CACNG3: variants seen among roughly 807,000 people sequenced by gnomAD.
CACNG3 encodes calcium voltage-gated channel auxiliary subunit gamma 3.
CACNG3 carries 3 observed loss-of-function variants against 28.5 expected under a neutral mutation model. The ratio of observed to expected loss-of-function variants is 0.11; its 90% CI spans 0.05 to 0.27. The LOEUF is 0.27. CACNG3 is among the 10% of genes least tolerant of loss of function. The probability of loss-of-function intolerance (pLI) is 1.00; values close to 1 mark genes in which losing one functional copy is unlikely to be tolerated. For synonymous variants in CACNG3, 174 were observed against 162.2 expected (o/e 1.07, Z -0.55); for missense variants, 236 against 414.4 (o/e 0.57, Z 3.74).
chr16:24,257,085 G>T (rs1898468490), intron 1 of CACNG3, 120 bp downstream of exon 1: 1 of 688,462 alleles, frequency 1.5e-6, no homozygotes. Flanking sequence ...TGCTGAGAAT[G>T]TGCAGGTGCC....
chr16:24,322,532 C>T (rs1400058670), intron 1 of CACNG3, among the ~76,000 whole-genome samples: 1 of 152,040 alleles, frequency 6.6e-6, no homozygotes, highest in East Asian at 1.9e-4. Flanking sequence ...TTTTCTTATG[C>T]ATTAGCTCTG....
rs746132287 is a variant in CACNG3, at chr16:24,256,721, C to T, written c.-34C>T. Reference sequence around the variant, plus strand: ...CCCTCCGGCACTGACTCTCCCCCTCCAACCCCCAGCCGTCCAGAGTACCAT... The same window carrying T: ...CCCTCCGGCACTGACTCTCCCCCTCTAACCCCCAGCCGTCCAGAGTACCAT... On this transcript the variant is annotated 5_prime_UTR_variant, in exon 1 of 4. Transcript: ENST00000005284. The surrounding 1 kb of genome is among the most constrained non-coding windows in gnomAD (Gnocchi z 4.6). The T allele has an allele frequency of 6.8e-7, 1 of 1,480,640 alleles. No homozygotes were observed. Among genetic ancestry groups the T allele is most frequent in the Non-Finnish European group, 9.4e-7 (1 of 1,059,022 alleles). 91.7% of individuals were successfully genotyped at this position (1,480,640 alleles called of 1,614,324 possible). A position where few individuals can be genotyped will look rare whatever the true frequency, so the allele number is the denominator to read the frequency against.
intron 1 of CACNG3, among the ~76,000 whole-genome samples, chr16:24,265,205 G>A (rs111822669): frequency 6.6e-6 from 1 of 151,674 alleles, no homozygotes; most frequent in African/African-American, 2.4e-5. Flanking sequence ...TCATGCCACT[G>A]CACTCTAGCC....
Position 24,348,625 on chromosome 16 carries a change from T to G in CACNG3, c.295+1808T>G, listed in dbSNP as rs79497781. ...AAAAGTTGTTTTCTTTTCTCACCCC[T>G]CACATCAGCAGCTCAAAAAGATTCA... On this transcript the variant is annotated intron_variant, in intron 2 of 3. Transcript: ENST00000005284. Among the ~76,000 whole-genome samples, 12 of 152,222 alleles carry G rather than the reference T, an allele frequency of 7.9e-5. No individual in the cohort carries two copies. In the East Asian group the frequency reaches 2.3e-3, roughly 29 times the overall value.
intron 2 of CACNG3, among the ~76,000 whole-genome samples, chr16:24,352,267 C>A (rs1899958916): frequency 6.6e-6 from 1 of 152,118 alleles, no homozygotes; most frequent in South Asian, 2.1e-4. Context: ...GCAATGTGAA[C>A]TAAGCTTTGA....
chr16:24,349,758 G>A (rs1018809218), intron 2 of CACNG3, among the ~76,000 whole-genome samples: 3 of 152,150 alleles, frequency 2.0e-5, no homozygotes, highest in Non-Finnish European at 2.9e-5. Flanking sequence ...GAGTCTTTGT[G>A]ACCTGTATCT....
At chr16:24,284,719 AT>A (rs1002843816) in intron 1 of CACNG3, among the ~76,000 whole-genome samples, 1 of 152,044 alleles carries the variant, frequency 6.6e-6, no homozygotes, top group Non-Finnish European at 1.5e-5. Flanking sequence ...TGCTCTTGGG[AT>A]TTTTTTAACC....
chr16:24,325,260 T>C (rs574950542), intron 1 of CACNG3, among the ~76,000 whole-genome samples: 1 of 152,316 alleles, frequency 6.6e-6, no homozygotes, highest in Non-Finnish European at 1.5e-5. Flanking sequence ...CAGAGGTGGG[T>C]ACATGTGGTC....
intron 1 of CACNG3, among the ~76,000 whole-genome samples, chr16:24,282,065 G>T (rs1335956360): frequency 6.6e-6 from 1 of 152,196 alleles, no homozygotes. Flanking sequence ...GTTACCAGAT[G>T]TCCACTGCAA....
chr16:24,360,492 A>G (rs1900091556), intron 3 of CACNG3, among the ~76,000 whole-genome samples: 2 of 152,172 alleles, frequency 1.3e-5, no homozygotes, highest in Admixed American at 1.3e-4. Context: ...ACAACAGCTG[A>G]TCTGAAGCAT....
intron 1 of CACNG3, among the ~76,000 whole-genome samples, chr16:24,317,554 AAAAGAAAG>A (rs1202219518): frequency 0.041 from 3,521 of 85,268 alleles, 238 homozygotes; most frequent in South Asian, 0.056. Flanking sequence ...AAAAAAAAGA[AAAAGAAAG>A]AAAGAAAGAA....
At chr16:24,317,546 A>AAG (rs1220117737) in intron 1 of CACNG3, among the ~76,000 whole-genome samples, 1 of 139,622 alleles carries the variant, frequency 7.2e-6, no homozygotes, top group Non-Finnish European at 1.5e-5. Flanking sequence ...TCTCAAAAAA[A>AAG]AAAAAGAAAA....
intron 1 of CACNG3, among the ~76,000 whole-genome samples, chr16:24,267,428 C>T: frequency 6.6e-6 from 1 of 152,100 alleles, no homozygotes; most frequent in Non-Finnish European, 1.5e-5. Context: ...GCTGCGACTA[C>T]AGGCACATGC....
rs1177297141 is a variant in CACNG3, at chr16:24,325,497, G to A, written c.212-21237G>A. On this transcript the variant is annotated intron_variant, in intron 1 of 3. Coordinates refer to ENST00000005284, the MANE Select transcript of CACNG3 (RefSeq NM_006539.4). ...CAAGTCCTAGGAGCCAGACCCCAGT[G>A]CTGGCGTACATCAGCTGGAATGCAT... is the stretch of plus-strand genomic sequence containing the variant. Among the ~76,000 whole-genome samples the A allele has an allele frequency of 3.3e-5, 5 of 152,216 alleles. No homozygotes were observed. In the South Asian group the frequency reaches 1.0e-3, roughly 31 times the overall value.
chr16:24,260,674 A>T (rs561694472), intron 1 of CACNG3, among the ~76,000 whole-genome samples: 2 of 152,364 alleles, frequency 1.3e-5, no homozygotes, highest in East Asian at 3.9e-4. Context: ...CAGATCTCAG[A>T]GCACTCACTG....
rs1428678422 is a variant in CACNG3 at position 24,361,625 on chromosome 16, C to T, written c.710C>T (p.Ser237Phe). 7 of 1,613,624 alleles carry T rather than the reference C, an allele frequency of 4.3e-6. No individual in the cohort carries two copies. Among genetic ancestry groups the T allele is most frequent in the Non-Finnish European group, 5.9e-6 (7 of 1,179,826 alleles). The change falls in exon 4 of 4, where the codon TCT (serine) becomes TTT (phenylalanine). Residue 237 changes from serine to phenylalanine, a missense_variant. This residue lies in a region of CACNG3 where 116 missense variants were observed against 151.0 expected (regional missense o/e 0.77). Transcript: ENST00000005284. The surrounding 1 kb of genome is among the most constrained non-coding windows in gnomAD (Gnocchi z 6.8). ...TATCGATTCCGGAGGCGGTCAAGTTCTCGCTCCACCGAGCCCAGATCCCGA... is the reference window on the plus strand; with the variant it reads ...TATCGATTCCGGAGGCGGTCAAGTTTTCGCTCCACCGAGCCCAGATCCCGA... ...YRYRFRRRSS[S>F]RSTEPRSRDL...
At chr16:24,343,125 G>A (rs904497503) in intron 1 of CACNG3, among the ~76,000 whole-genome samples, 1 of 152,108 alleles carries the variant, frequency 6.6e-6, no homozygotes, top group Non-Finnish European at 1.5e-5. Context: ...GGAGGCGGAG[G>A]TTGCAGTGGG....
chr16:24,351,309 G>A (rs571515508), intron 2 of CACNG3, among the ~76,000 whole-genome samples: 1 of 152,172 alleles, frequency 6.6e-6, no homozygotes, highest in Non-Finnish European at 1.5e-5. Context: ...GGTGGCTCAT[G>A]CCTGTAACCC....
chr16:24,285,214 G>A (rs951142235), intron 1 of CACNG3, among the ~76,000 whole-genome samples: 2 of 151,946 alleles, frequency 1.3e-5, no homozygotes. Context: ...CTGCTCTCAG[G>A]GACTTTGCAT....
Sources: gnomAD v4.1 joint callset for allele counts (sites outside exome capture counted in the v4.1 genomes callset) on GRCh38, gnomAD v4.1.1 for gene constraint, gnomAD v4.1.1 regional missense constraint, Gnocchi (gnomAD v3.1) non-coding constraint, MANE v1.5 for transcripts, NCBI Gene and HGNC (gene_info 2026-07-23, HGNC 2026-07-21) for gene names.